Variants in ZNF786 observed in about 807,000 individuals in gnomAD.
ZNF786 encodes the protein zinc finger protein 786.
A neutral mutation model predicts 63.1 loss-of-function variants in ZNF786; 56 were observed. That is an observed-to-expected ratio of 0.89 (90% CI 0.72 to 1.11). ZNF786 has a LOEUF of 1.11. Ranked by LOEUF, ZNF786 falls within the 50% of genes least tolerant of loss-of-function variation. The probability of loss-of-function intolerance (pLI) is 0.00; values close to 1 mark genes in which losing one functional copy is unlikely to be tolerated. For missense variants in ZNF786, 1,213 were observed against 1,041.8 expected (o/e 1.16, Z -2.26); for synonymous variants, 485 against 406.9 (o/e 1.19, Z -2.31).
Position 149,070,958 on chromosome 7 carries a change from T to C in ZNF786, c.1814A>G (p.Lys605Arg). 1.9e-6 allele frequency: 3 copies of C among 1,613,318 alleles called. No homozygotes were observed. Among genetic ancestry groups the C allele is most frequent in the Non-Finnish European group, 2.5e-6 (3 of 1,179,892 alleles). Residue 605 changes from lysine to arginine, a missense_variant, in exon 4 of 4, where the codon AAG (lysine) becomes AGG (arginine). Lys to Arg is a conservative substitution (Grantham distance 26). Coordinates refer to ENST00000491431, the MANE Select transcript of ZNF786 (RefSeq NM_152411.4). Reference protein sequence around the residue: ...CPECNRSFRLKGQLLSHQRLH... With the variant: ...CPECNRSFRLRGQLLSHQRLH... ...GCGCTGATGGCTGAGCAGCTGCCCC[T>C]TCAGGCGGAAGCTCCTGTTGCACTC...
chr7:149,070,860 C>T lies in ZNF786; in HGVS notation c.1912G>A (p.Ala638Thr). ...TCCCCGCTGTGCAGCAGCTGGTGGG[C>T]CTTCATGTCGGCCTTCACGCGATAG... ...KRYRVKADMK[A>T]HQLLHSGEMP... The change falls in exon 4 of 4, where the codon GCC becomes ACC. Residue 638 changes from alanine (A) to threonine (T), a missense_variant. Coordinates refer to ENST00000491431, the MANE Select transcript of ZNF786 (RefSeq NM_152411.4). The T allele has an allele frequency of 6.2e-7, 1 of 1,613,514 alleles. No homozygotes were observed. The highest frequency in any genetic ancestry group is 8.5e-7 in the Non-Finnish European group (1 of 1,179,910).
At chr7:149,077,753 A>T (rs1427361545) in intron 2 of ZNF786, among the ~76,000 whole-genome samples, 1 of 152,212 alleles carries the variant, frequency 6.6e-6, no homozygotes, top group Non-Finnish European at 1.5e-5. Context: ...CAAGAATTCG[A>T]GACCAGCCTG....
rs1297237234 is a variant in ZNF786 at position 149,090,648 on chromosome 7, G to T, written c.-8C>A. ...CCGAGGCGGCTCCGCCATGGTCCCC[G>T]CGGTCCCGCCCGGCCCTGGCAAACC... On this transcript the variant is annotated 5_prime_UTR_variant, in exon 1 of 4. Coordinates refer to ENST00000491431, the MANE Select transcript of ZNF786 (RefSeq NM_152411.4). 2 of 1,587,538 alleles carry T rather than the reference G, an allele frequency of 1.3e-6. No individual in the cohort carries two copies. The highest frequency in any genetic ancestry group is 1.7e-6 in the Non-Finnish European group (2 of 1,166,076).
In ZNF786 at chr7:149,071,747, G is replaced by A; in HGVS notation, c.1025C>T (p.Pro342Leu). 1 of 1,589,148 alleles carries A rather than the reference G, an allele frequency of 6.3e-7. No individual in the cohort carries two copies. The highest frequency in any genetic ancestry group is 8.5e-7 in the Non-Finnish European group (1 of 1,175,196). The change falls in exon 4 of 4, where the codon CCA becomes CTA. Residue 342 changes from proline (P) to leucine (L), a missense_variant. Coordinates refer to ENST00000491431, the MANE Select transcript of ZNF786 (RefSeq NM_152411.4). ...CCCCTCCTGGGGCAGGCGCGAGCCT[G>A]GTTTCTGTCCCGAGTGCACACTGCT... ...ASSSVHSGQK[P>L]GSRLPQEGNS...
chr7:149,070,976 T>C lies in ZNF786; in HGVS notation c.1796A>G (p.Asn599Ser), dbSNP rs1441483825. 2.5e-6 allele frequency: 4 copies of C among 1,613,048 alleles called. No homozygotes were observed. The Admixed American group carries it at 5.0e-5, about 20-fold the overall frequency. Reference sequence around the variant, plus strand: ...CTGCCCCTTCAGGCGGAAGCTCCTGTTGCACTCTGGGCACTGGAAGGGTCT... The same window carrying C: ...CTGCCCCTTCAGGCGGAAGCTCCTGCTGCACTCTGGGCACTGGAAGGGTCT... The part of the protein sequence containing the change: ...GERPFQCPEC[N>S]RSFRLKGQLL... Residue 599 changes from asparagine (N) to serine (S), a missense_variant, in exon 4 of 4, where the codon AAC (asparagine) becomes AGC (serine). Asn to Ser is a conservative substitution (Grantham distance 46, BLOSUM62 1). Transcript: ENST00000491431.
chr7:149,070,918 C>T lies in ZNF786; in HGVS notation c.1854G>A (p.Glu618=). The T allele has an allele frequency of 5.0e-6, 8 of 1,613,740 alleles. No individual in the cohort carries two copies. The highest frequency in any genetic ancestry group is 6.8e-6 in the Non-Finnish European group (8 of 1,179,978). The change falls in exon 4 of 4, where the codon GAG becomes GAA. Residue 618 remains glutamate, a synonymous_variant. Transcript: ENST00000491431. ...CGCACTCCGGACACTGGAAGGGCCT[C>T]TCTCCCGTGTGCAGGCGCTGATGGC... The part of the protein sequence containing the change: ...LLSHQRLHTG[E]RPFQCPECDK...
Position 149,071,363 on chromosome 7 carries a change from C to T in ZNF786, c.1409G>A (p.Arg470Gln), listed in dbSNP as rs879785021. 8 of 1,613,126 alleles carry T rather than the reference C, an allele frequency of 5.0e-6. No individual in the cohort carries two copies. Among genetic ancestry groups the T allele is most frequent in the African/African-American group, 1.3e-5 (1 of 74,932 alleles). The stretch of plus-strand genomic sequence containing the variant: ...CTCGTCCGTGTGCAGCCGCTGGTGC[C>T]GCAGCAGCTGTCCCCTCTGACGGAA... ...RNFRQRGQLL[R>Q]HQRLHTDEKP... is the part of the protein sequence containing the mutation. Residue 470 changes from arginine to glutamine, a missense_variant, in exon 4 of 4, where the codon CGG (arginine) becomes CAG (glutamine). Arg to Gln is a conservative substitution (Grantham distance 43). Coordinates refer to ENST00000491431, the MANE Select transcript of ZNF786 (RefSeq NM_152411.4).
At chr7:149,079,555 C>G (rs1307874325) in intron 2 of ZNF786, among the ~76,000 whole-genome samples, 1 of 148,364 alleles carries the variant, frequency 6.7e-6, no homozygotes, top group Non-Finnish European at 1.5e-5. Context: ...CAGGCAGAGA[C>G]AGCTACTCTT....
At chr7:149,080,958 G>A (rs1464535216) in intron 1 of ZNF786, among the ~76,000 whole-genome samples, 1 of 152,124 alleles carries the variant, frequency 6.6e-6, no homozygotes, top group Non-Finnish European at 1.5e-5. Flanking sequence ...GTAGAGTATG[G>A]AATTTTTTTC....
At chr7:149,072,548 C>T in intron 3 of ZNF786, 75 bp from the exon 4 acceptor site, 2 of 1,447,540 alleles carry the variant, frequency 1.4e-6, no homozygotes, top group East Asian at 2.4e-5. Context: ...TCAAGTGACC[C>T]ACAAGAGTGC....
At chr7:149,078,633 G>A (rs1490134208) in intron 2 of ZNF786, among the ~76,000 whole-genome samples, 3 of 151,888 alleles carry the variant, frequency 2.0e-5, no homozygotes, top group East Asian at 3.9e-4. Flanking sequence ...GCGGTGAGCC[G>A]ACATGGTGCC....
chr7:149,088,980 A>AGAGTCTTGCTCTGTCGCCCAGGCTG (rs1825784350), intron 1 of ZNF786, among the ~76,000 whole-genome samples: 1 of 141,562 alleles, frequency 7.1e-6, no homozygotes, highest in Non-Finnish European at 1.5e-5. Flanking sequence ...TTTTGGAGAC[A>AGAGTCTTGCTCTGTCGCCCAGGCTG]GAGTCTTGCT....
intron 3 of ZNF786, 88 bp from the exon 4 acceptor site, chr7:149,072,561 T>C: frequency 1.4e-6 from 2 of 1,420,444 alleles, no homozygotes; most frequent in South Asian, 3.0e-5. Context: ...AAGAGTGCCT[T>C]GTGGTGGCCT....
intron 2 of ZNF786, among the ~76,000 whole-genome samples, chr7:149,078,577 A>C (rs2129515952): frequency 6.6e-6 from 1 of 152,126 alleles, no homozygotes; most frequent in South Asian, 2.1e-4. Context: ...TCAGCTACTC[A>C]GGAGGCTGAG....
chr7:149,086,936 C>T (rs1825749128), intron 1 of ZNF786, among the ~76,000 whole-genome samples: 1 of 151,990 alleles, frequency 6.6e-6, no homozygotes, highest in South Asian at 2.1e-4. Flanking sequence ...GCCTCCACCT[C>T]CCAGGTTCAA....
chr7:149,071,473 G>C lies in ZNF786; in HGVS notation c.1299C>G (p.Gly433=). 1 of 1,613,388 alleles carries C rather than the reference G, an allele frequency of 6.2e-7. No homozygotes were observed. The highest frequency in any genetic ancestry group is 8.5e-7 in the Non-Finnish European group (1 of 1,179,846). ...RPFSCRKCGK[G]FAKQCKLTEH... is the part of the protein sequence containing the mutation. The stretch of plus-strand genomic sequence containing the variant: ...CCGTGAGTTTACACTGCTTGGCGAA[G>C]CCCTTGCCACACTTCCTGCAGGAGA... The change falls in exon 4 of 4, where the codon GGC becomes GGG. Residue 433 remains glycine (G), a synonymous_variant. Coordinates refer to ENST00000491431, the MANE Select transcript of ZNF786 (RefSeq NM_152411.4).
In ZNF786 at chr7:149,071,824, G is replaced by A. The variant is rs774785458; in HGVS notation, c.948C>T (p.Cys316=). 14 of 1,590,168 alleles carry A rather than the reference G, an allele frequency of 8.8e-6. No individual in the cohort carries two copies. The South Asian group carries it at 1.6e-4, about 18-fold the overall frequency. ...AGGCCGGCCCCTCCCGGCTGTGCTG[G>A]CACCGGCGAGCCTGCGTGCTGTCCA... ...LPVDSTQARR[C]QHSREGPASW... is the part of the protein sequence containing the mutation. The change falls in exon 4 of 4, where the codon TGC becomes TGT. Residue 316 remains cysteine, a synonymous_variant. Transcript: ENST00000491431.
At chr7:149,085,157 G>A (rs1390298289) in intron 1 of ZNF786, among the ~76,000 whole-genome samples, 1 of 152,124 alleles carries the variant, frequency 6.6e-6, no homozygotes, top group African/African-American at 2.4e-5. Context: ...CTATATGTCT[G>A]TTTTCTTACC....
chr7:149,072,129 G>C lies in ZNF786; in HGVS notation c.643C>G (p.Arg215Gly). 6.2e-7 allele frequency: 1 copy of C among 1,613,188 alleles called. No individual in the cohort carries two copies. The highest frequency in any genetic ancestry group is 1.7e-5 in the Admixed American group (1 of 59,872). The change falls in exon 4 of 4, where the codon CGT becomes GGT. Residue 215 changes from arginine to glycine, a missense_variant. Coordinates refer to ENST00000491431, the MANE Select transcript of ZNF786 (RefSeq NM_152411.4). ...HQRGHSKDRT[R>G]RAWEKFNKRA... is the part of the protein sequence containing the mutation. ...TTGTTGAATTTCTCCCAGGCCCTAC[G>C]TGTCCGGTCCTTTGAGTGGCCTCTC...
Sources: gnomAD v4.1 joint callset for allele counts (sites outside exome capture counted in the v4.1 genomes callset) on GRCh38, gnomAD v4.1.1 for gene constraint, MANE v1.5 for transcripts, NCBI Gene and HGNC (gene_info 2026-07-23, HGNC 2026-07-21) for gene names.